GP2: variants seen among roughly 807,000 people sequenced by gnomAD.
The protein encoded by GP2 is pancreatic secretory granule membrane major glycoprotein GP2.
In GP2, 58 loss-of-function variants were observed where a neutral mutation model predicts 60.8. The observed-to-expected ratio is 0.95, with a 90% CI of 0.77 to 1.19. The LOEUF is 1.19. Among genes scored for constraint, GP2 ranks in the 50% most tolerant of loss-of-function variants. The pLI is 0.00. For missense variants in GP2, 647 were observed against 667.4 expected (o/e 0.97, Z 0.34); for synonymous variants, 280 against 253.4 (o/e 1.10, Z -1.00).
At chr16:20,317,447 TTC>T (rs1964220266) in intron 7 of GP2, 72 bp from the exon 8 acceptor site, 1 of 1,182,230 alleles carries the variant, frequency 8.5e-7, no homozygotes, top group Admixed American at 1.9e-5. Context: ...GTCCCTCGGG[TTC>T]CCTCCATCAT....
At position 20,318,273 on chromosome 16, in the gene GP2, A is replaced by T. The variant is rs1964246443; in HGVS notation, c.1165T>A (p.Ser389Thr). The T allele has an allele frequency of 6.2e-7, 1 of 1,612,582 alleles. No individual in the cohort carries two copies. The highest frequency in any genetic ancestry group is 1.3e-5 in the African/African-American group (1 of 74,904). Residue 389 changes from serine (S) to threonine (T), a missense_variant, in exon 7 of 11, where the codon TCC (serine) becomes ACC (threonine). Coordinates refer to ENST00000302555, the MANE Select transcript of GP2 (RefSeq NM_001502.4). ...VGAILEQGDT[S>T]RFNLVLRNCY... ...TTCCTCAACACCAGGTTAAACCGGGAGGTGTCCCCTTGTTCCAAGATGGCA... is the reference window on the plus strand; with the variant it reads ...TTCCTCAACACCAGGTTAAACCGGGTGGTGTCCCCTTGTTCCAAGATGGCA...
rs754973239 is a variant in GP2, at chr16:20,317,224, G to T, written c.1405C>A (p.Gln469Lys). 3.1e-6 allele frequency: 5 copies of T among 1,612,130 alleles called. No individual in the cohort carries two copies. The Admixed American group carries it at 8.4e-5, about 27-fold the overall frequency. The part of the protein sequence containing the change: ...EIHLCDSLNE[Q>K]CQPSCSRSQV... ...AAAGAGACACTCACAGGCTGGCACT[G>T]TTCATTAAGAGAATCACAGAGATGA... Residue 469 changes from glutamine (Q) to lysine (K), a missense_variant, in exon 8 of 11, where the codon CAG becomes AAG. Coordinates refer to ENST00000302555, the MANE Select transcript of GP2 (RefSeq NM_001502.4).
intron 8 of GP2, among the ~76,000 whole-genome samples, chr16:20,316,929 C>CTCCCT (rs1964192221): frequency 6.7e-6 from 1 of 149,636 alleles, no homozygotes; most frequent in African/African-American, 2.5e-5. Flanking sequence ...TCCCTTTCCC[C>CTCCCT]TCCCTTCCCT....
intron 1 of GP2, chr16:20,326,712 G>T: frequency 2.8e-6 from 1 of 357,478 alleles, no homozygotes; most frequent in Non-Finnish European, 5.1e-6. Context: ...GGAAGTAGAG[G>T]CTCTTTGGAG....
At position 20,324,110 on chromosome 16, in the gene GP2, C is replaced by A; in HGVS notation, c.241G>T (p.Gly81Trp). The stretch of plus-strand genomic sequence containing the variant: ...ATGTTTTTATCGCACCCCTGGGACC[C>A]TGCTGAGTTCTCTGTGCTTCGGAAG... ...EPFRSTENSA[G>W]SQGCDKNMSG... Residue 81 changes from glycine (G) to tryptophan (W), a missense_variant, in exon 3 of 11, where the codon GGG becomes TGG. Transcript: ENST00000302555. The A allele has an allele frequency of 6.2e-7, 1 of 1,614,184 alleles. No homozygotes were observed. The highest frequency in any genetic ancestry group is 8.5e-7 in the Non-Finnish European group (1 of 1,179,992).
intron 2 of GP2, among the ~76,000 whole-genome samples, chr16:20,325,531 T>G (rs768421137): frequency 3.3e-5 from 5 of 152,200 alleles, no homozygotes; most frequent in Non-Finnish European, 5.9e-5. Flanking sequence ...AAGAAAGCCT[T>G]AAACGATTGT....
At chr16:20,327,256 G>T in intron 1 of GP2, 1 of 337,254 alleles carries the variant, frequency 3.0e-6, no homozygotes, top group South Asian at 2.5e-5. Context: ...CAAGGAAGAG[G>T]GTGGCGTCCG....
At chr16:20,316,160 C>T in intron 8 of GP2, 120 bp from the exon 9 acceptor site, 3 of 615,826 alleles carry the variant, frequency 4.9e-6, no homozygotes, top group Non-Finnish European at 5.9e-6. Flanking sequence ...CACGCTATGG[C>T]CCTAATTCCG....
chr16:20,327,486 C>G lies in GP2; in HGVS notation c.-56G>C. 2 of 1,288,840 alleles carry G rather than the reference C, an allele frequency of 1.6e-6. No homozygotes were observed. The highest frequency in any genetic ancestry group is 2.0e-6 in the Non-Finnish European group (2 of 988,442). 79.8% of individuals were successfully genotyped at this position (1,288,840 alleles called of 1,614,324 possible). A position where few individuals can be genotyped will look rare whatever the true frequency, so the allele number is the denominator to read the frequency against. On this transcript the variant is annotated 5_prime_UTR_variant, in exon 1 of 11. Transcript: ENST00000302555. ...ACTTACCTCCGATGAGAACACAAAG[C>G]GTTCCTCCTCTGGCCAGCCATGGGA...
Position 20,311,184 on chromosome 16 carries a change from A to T in GP2, c.*39T>A, listed in dbSNP as rs981874260. ...GCTGAAGGGAGCCATTGCCAGAGGG[A>T]AGAACACAAACTTCAAGGCCAGATG... On this transcript the variant is annotated 3_prime_UTR_variant, in exon 11 of 11. Transcript: ENST00000302555. 5 of 1,358,166 alleles carry T rather than the reference A, an allele frequency of 3.7e-6. No homozygotes were observed. The African/African-American group carries it at 7.1e-5, about 19-fold the overall frequency. The allele number at this position is 1,358,166 out of a possible 1,614,324, so 84.1% of individuals were successfully genotyped here. A position where few individuals can be genotyped will look rare whatever the true frequency, so the allele number is the denominator to read the frequency against.
rs1388974133 is a variant in GP2, at chr16:20,310,683, T to C, written c.*540A>G. Reference sequence around the variant, plus strand: ...CAGAGGGCACCTAGCAAGCTTGCTTTCAAGGTCCCATCAACAAATGAGAAG... The same window carrying C: ...CAGAGGGCACCTAGCAAGCTTGCTTCCAAGGTCCCATCAACAAATGAGAAG... On this transcript the variant is annotated 3_prime_UTR_variant, in exon 11 of 11. Transcript: ENST00000302555. The C allele has an allele frequency of 3.3e-5, 5 of 152,394 alleles. No homozygotes were observed. Among genetic ancestry groups the C allele is most frequent in the Non-Finnish European group, 7.3e-5 (5 of 68,472 alleles). The allele number at this position is 152,394 out of a possible 1,614,324, so 9.4% of individuals were successfully genotyped here.
In GP2 at chr16:20,312,743, C is replaced by G. The variant is rs183097390; in HGVS notation, c.1547-1462G>C. Among the ~76,000 whole-genome samples, 17 of 152,174 alleles carry G rather than the reference C, an allele frequency of 1.1e-4. No individual in the cohort carries two copies. In the South Asian group the frequency reaches 3.5e-3, roughly 32 times the overall value. On this transcript the variant is annotated intron_variant, in intron 10 of 10. Transcript: ENST00000302555. Reference sequence around the variant, plus strand: ...TCAGCTCACCGAAACCTCCTCCTCCCGGGTTCAAGTGATTCTCCTGCTTCA... The same window carrying G: ...TCAGCTCACCGAAACCTCCTCCTCCGGGGTTCAAGTGATTCTCCTGCTTCA...
In GP2 at chr16:20,323,061, C is replaced by A. The variant is rs936781077; in HGVS notation, c.536-82G>T. Reference sequence around the variant, plus strand: ...GCCCCCAAGTCCAACCCTTTCATTTCACCGGGGCACAAGAATCTTGCCAAG... The same window carrying A: ...GCCCCCAAGTCCAACCCTTTCATTTAACCGGGGCACAAGAATCTTGCCAAG... On this transcript the variant is annotated intron_variant, in intron 3 of 10. Transcript: ENST00000302555. 15 of 730,372 alleles carry A rather than the reference C, an allele frequency of 2.1e-5. No individual in the cohort carries two copies. In the Admixed American group the frequency reaches 2.8e-4, roughly 14 times the overall value. The allele number at this position is 730,372 out of a possible 1,614,324, so 45.2% of individuals were successfully genotyped here.
chr16:20,324,143 C>A lies in GP2; in HGVS notation c.208G>T (p.Asp70Tyr), dbSNP rs748497155. The change falls in exon 3 of 11, where the codon GAT (aspartate) becomes TAT (tyrosine). Residue 70 changes from aspartate to tyrosine, a missense_variant. Asp to Tyr is a radical substitution (Grantham distance 160). Transcript: ENST00000302555. ...TTCTCTGTGCTTCGGAAGGGTTCATCCAGGAGGGTGTAATTCTGACAGGGG... is the reference window on the plus strand; with the variant it reads ...TTCTCTGTGCTTCGGAAGGGTTCATACAGGAGGGTGTAATTCTGACAGGGG... ...FDPCQNYTLL[D>Y]EPFRSTENSA... is the part of the protein sequence containing the mutation. 3 of 1,614,014 alleles carry A rather than the reference C, an allele frequency of 1.9e-6. No homozygotes were observed. In the South Asian group the frequency reaches 3.3e-5, roughly 18 times the overall value.
intron 2 of GP2, 191 bp downstream of exon 2, chr16:20,326,147 A>T: frequency 1.7e-6 from 1 of 588,016 alleles, no homozygotes; most frequent in East Asian, 2.9e-5. Flanking sequence ...GGAATTTCTG[A>T]TTAGGCTCTT....
At position 20,327,497 on chromosome 16, in the gene GP2, T is replaced by TG. The variant is rs1159111694; in HGVS notation, c.-68dup. 2 of 1,288,860 alleles carry TG rather than the reference T, an allele frequency of 1.6e-6. No individual in the cohort carries two copies. The highest frequency in any genetic ancestry group is 2.0e-6 in the Non-Finnish European group (2 of 988,530). The allele number at this position is 1,288,860 out of a possible 1,614,324, so 79.8% of individuals were successfully genotyped here. A position where few individuals can be genotyped will look rare whatever the true frequency, so the allele number is the denominator to read the frequency against. On this transcript the variant is annotated 5_prime_UTR_variant, in exon 1 of 11. The change abolishes the stop of an existing upstream ORF in the 5' untranslated region. Transcript: ENST00000302555. ...ATGAGAACACAAAGCGTTCCTCCTC[T>TG]GGCCAGCCATGGGAATGCAGCCTGC...
chr16:20,326,222 T>G, intron 2 of GP2, 116 bp downstream of exon 2: 1 of 800,260 alleles, frequency 1.2e-6, no homozygotes, highest in Middle Eastern at 2.4e-4. Flanking sequence ...AGCTCTGAGT[T>G]TTTGCTTTAG....
intron 5 of GP2, 100 bp from the exon 6 acceptor site, chr16:20,319,868 T>G: frequency 1.1e-6 from 1 of 912,500 alleles, no homozygotes; most frequent in South Asian, 1.5e-5. Context: ...TGCTTAACCA[T>G]GCAGCCACCC....
In GP2 at chr16:20,317,198, C is replaced by A; in HGVS notation, c.1416+15G>T. 1 of 1,500,690 alleles carries A rather than the reference C, an allele frequency of 6.7e-7. No individual in the cohort carries two copies. The highest frequency in any genetic ancestry group is 1.1e-5 in the South Asian group (1 of 88,726). The allele number at this position is 1,500,690 out of a possible 1,614,324, so 93.0% of individuals were successfully genotyped here. On this transcript the variant is annotated intron_variant, in intron 8 of 10. Transcript: ENST00000302555. ...ATGCCAGGCTCTGAAGAGTTCAGTT[C>A]AAAGAGACACTCACAGGCTGGCACT...
Sources: gnomAD v4.1 joint callset for allele counts (sites outside exome capture counted in the v4.1 genomes callset) on GRCh38, gnomAD v4.1.1 for gene constraint, MANE v1.5 for transcripts, NCBI Gene and HGNC (gene_info 2026-07-23, HGNC 2026-07-21) for gene names.